The following MBNL2 variants were observed in gnomAD, a reference collection of about 807,000 sequenced individuals.
The protein encoded by MBNL2 is muscleblind-like protein 2.
MBNL2 carries 17 observed loss-of-function variants against 41.9 expected under a neutral mutation model. The observed-to-expected ratio is 0.41, with a 90% CI of 0.28 to 0.61. The LOEUF is 0.61. MBNL2 is among the 20% of genes least tolerant of loss of function. MBNL2 has a pLI of 0.35. For missense variants in MBNL2, 336 were observed against 505.6 expected, an observed-to-expected ratio of 0.66 and a Z score of 3.22; for synonymous variants, 195 against 182.9, an observed-to-expected ratio of 1.07 and a Z score of -0.53.
the MBNL2 span, among the ~76,000 whole-genome samples, chr13:97,169,113 C>T: frequency 6.6e-6 from 1 of 152,068 alleles, no homozygotes; most frequent in Admixed American, 6.6e-5. Flanking sequence ...TCAGAGATGC[C>T]CTCTACACAG....
chr13:97,282,639 C>T (rs2053656507), intron 2 of MBNL2, among the ~76,000 whole-genome samples: 1 of 152,278 alleles, frequency 6.6e-6, no homozygotes, highest in African/African-American at 2.4e-5. Context: ...GGAGTACAGG[C>T]AGGTTCATGC....
At chr13:97,342,820 A>G (rs1354862610) in intron 3 of MBNL2, among the ~76,000 whole-genome samples, 196 bp from the exon 4 acceptor site, 2 of 152,018 alleles carry the variant, frequency 1.3e-5, no homozygotes, top group Admixed American at 6.5e-5. Context: ...GTTTTTTATG[A>G]TGTTCTCTCA....
intron 2 of MBNL2, among the ~76,000 whole-genome samples, chr13:97,299,177 T>G (rs2057357982): frequency 6.6e-6 from 1 of 152,212 alleles, no homozygotes; most frequent in Non-Finnish European, 1.5e-5. Context: ...TCCAGCTACT[T>G]TCACTTTTCT....
intron 4 of MBNL2, among the ~76,000 whole-genome samples, chr13:97,344,249 CT>C (rs2061659804): frequency 6.6e-6 from 1 of 152,226 alleles, no homozygotes; most frequent in Admixed American, 6.5e-5. Context: ...GGTAAAATTT[CT>C]CTTTAATCAG....
rs553398703 is a variant in MBNL2 at position 97,392,406 on chromosome 13, C to G, written c.*957C>G. 3 of 152,606 alleles carry G rather than the reference C, an allele frequency of 2.0e-5. No individual in the cohort carries two copies. The highest frequency in any genetic ancestry group is 2.1e-4 in the South Asian group (1 of 4,816). The allele number at this position is 152,606 out of a possible 1,614,324, so 9.5% of individuals were successfully genotyped here. On this transcript the variant is annotated 3_prime_UTR_variant, in exon 9 of 9. Coordinates refer to ENST00000679496, the MANE Select transcript of MBNL2 (RefSeq NM_001382683.1). ...TGTAAACAAAAAGTAGATAGTTTCA[C>G]TTTTTAAAAAATCCATTACTGTTTT... is the stretch of plus-strand genomic sequence containing the variant.
chr13:97,205,765 C>T, the MBNL2 span, among the ~76,000 whole-genome samples: 1 of 152,184 alleles, frequency 6.6e-6, no homozygotes, highest in East Asian at 1.9e-4. Flanking sequence ...TGTTGATTTA[C>T]ATAGCTGACC....
At chr13:97,322,993 G>C (rs2059628881) in intron 2 of MBNL2, among the ~76,000 whole-genome samples, 1 of 152,206 alleles carries the variant, frequency 6.6e-6, no homozygotes, top group Non-Finnish European at 1.5e-5. Context: ...GGACTCTGGA[G>C]GAGGCACTGG....
rs115072586 is a variant in MBNL2, at chr13:97,361,503, A to T, written c.1013-3633A>T. Among the ~76,000 whole-genome samples, 1,140 of 152,240 alleles carry T rather than the reference A, an allele frequency of 7.5e-3. 14 individuals carry two copies. The highest frequency in any genetic ancestry group is 0.026 in the African/African-American group (1,067 of 41,534). ...TAAGGGAGCCACACATGCATAAGTTATGCATTTCCAATATCACATCACTAT... is the reference window on the plus strand; with the variant it reads ...TAAGGGAGCCACACATGCATAAGTTTTGCATTTCCAATATCACATCACTAT... On this transcript the variant is annotated intron_variant, in intron 7 of 8. Coordinates refer to ENST00000679496, the MANE Select transcript of MBNL2 (RefSeq NM_001382683.1).
intron 1 of MBNL2, among the ~76,000 whole-genome samples, chr13:97,254,303 T>G (rs1435747224): frequency 6.6e-6 from 1 of 152,262 alleles, no homozygotes; most frequent in African/African-American, 2.4e-5. Flanking sequence ...TGTGAAATGT[T>G]AATATTTCTT....
chr13:97,366,309 C>T lies in MBNL2; in HGVS notation c.1048+1138C>T. On this transcript the variant is annotated intron_variant, in intron 8 of 8. Coordinates refer to ENST00000679496, the MANE Select transcript of MBNL2 (RefSeq NM_001382683.1). This position sits in a 1 kb window ranked among gnomAD's most constrained non-coding sequence, Gnocchi z 4.7. ...TTCCCTTTTTTATTTCTCTCCCATG[C>T]TTCCTTGCTTTGCATTGTGATTGCA... 1 of 561,910 alleles carries T rather than the reference C, an allele frequency of 1.8e-6. No homozygotes were observed. Among genetic ancestry groups the T allele is most frequent in the South Asian group, 3.2e-5 (1 of 30,872 alleles). 34.8% of individuals were successfully genotyped at this position (561,910 alleles called of 1,614,324 possible).
the MBNL2 span, among the ~76,000 whole-genome samples, chr13:97,167,949 A>G: frequency 1.3e-5 from 2 of 152,128 alleles, no homozygotes. Flanking sequence ...AAGGTCTATA[A>G]TTTTTGTTTG....
At chr13:97,330,676 G>T (rs2060357912) in intron 2 of MBNL2, among the ~76,000 whole-genome samples, 1 of 152,182 alleles carries the variant, frequency 6.6e-6, no homozygotes, top group Non-Finnish European at 1.5e-5. Context: ...ATTTGGCTAT[G>T]ACAAGTTGCT....
At chr13:97,190,743 C>G in the MBNL2 span, among the ~76,000 whole-genome samples, 2 of 152,196 alleles carry the variant, frequency 1.3e-5, no homozygotes, top group Non-Finnish European at 2.9e-5. Flanking sequence ...TGAGGGATGA[C>G]TCCGGTCATG....
chr13:97,222,822 T>A (rs1047999306), intron 1 of MBNL2, among the ~76,000 whole-genome samples: 2 of 152,248 alleles, frequency 1.3e-5, no homozygotes, highest in African/African-American at 4.8e-5. Flanking sequence ...TGGAGCAATC[T>A]TATTTTCTTG....
At chr13:97,314,252 A>T (rs1315238674) in intron 2 of MBNL2, among the ~76,000 whole-genome samples, 1 of 152,188 alleles carries the variant, frequency 6.6e-6, no homozygotes, top group East Asian at 1.9e-4. Flanking sequence ...AGAAGCTATC[A>T]GACCTGCTGC....
chr13:97,328,062 C>T (rs2153052324), intron 2 of MBNL2, among the ~76,000 whole-genome samples: 1 of 152,002 alleles, frequency 6.6e-6, no homozygotes, highest in Middle Eastern at 3.4e-3. Flanking sequence ...AGCCCCATTT[C>T]ACAGATATGG....
chr13:97,153,856 C>G, the MBNL2 span, among the ~76,000 whole-genome samples: 1 of 152,138 alleles, frequency 6.6e-6, no homozygotes. Flanking sequence ...GTGCTGGCTT[C>G]CAAACATGTT....
chr13:97,192,965 C>CA, the MBNL2 span, among the ~76,000 whole-genome samples: 4 of 152,220 alleles, frequency 2.6e-5, no homozygotes, highest in African/African-American at 9.6e-5. Context: ...ACAATTCAAT[C>CA]AAGAGAGACC....
intron 3 of MBNL2, among the ~76,000 whole-genome samples, chr13:97,339,875 G>GC (rs567128737): frequency 3.2e-5 from 4 of 125,472 alleles, no homozygotes; most frequent in Non-Finnish European, 6.8e-5. Context: ...GTGTGTGGGC[G>GC]GGGGGGGCGT....
Sources: allele counts gnomAD v4.1 joint callset (sites outside exome capture counted in the v4.1 genomes callset), GRCh38; gene constraint gnomAD v4.1.1; non-coding constraint Gnocchi (gnomAD v3.1); transcripts MANE v1.5; gene names NCBI Gene and HGNC (gene_info 2026-07-23, HGNC 2026-07-21).